Variants in MEIOC observed in about 807,000 individuals in gnomAD.
The protein encoded by MEIOC is meiosis specific with coiled-coil domain.
MEIOC carries 9 observed loss-of-function variants against 85.3 expected under a neutral mutation model. The observed-to-expected ratio is 0.11, with a 90% CI of 0.06 to 0.18. The LOEUF is 0.18. Ranked by LOEUF, MEIOC falls within the 10% of genes least tolerant of loss-of-function variation. The probability of loss-of-function intolerance (pLI) is 1.00; values close to 1 mark genes in which losing one functional copy is unlikely to be tolerated. For synonymous variants in MEIOC, 365 were observed against 393.7 expected (o/e 0.93, Z 0.86); for missense variants, 898 against 1,129.4 (o/e 0.80, Z 2.94).
Position 44,675,106 on chromosome 17 carries a change from T to A in MEIOC, c.*910T>A. ...TTTAAAGGTTAATCTCTAACTAGTT[T>A]AGCTTGCAATTGGTTAGTGTATATT... is the stretch of plus-strand genomic sequence containing the variant. On this transcript the variant is annotated 3_prime_UTR_variant, in exon 8 of 8. Coordinates refer to ENST00000409122, the MANE Select transcript of MEIOC (RefSeq NM_001145080.3). The A allele has an allele frequency of 1.0e-6, 1 of 984,902 alleles. No homozygotes were observed. The highest frequency in any genetic ancestry group is 1.2e-6 in the Non-Finnish European group (1 of 829,478). The allele number at this position is 984,902 out of a possible 1,614,324, so 61.0% of individuals were successfully genotyped here.
At position 44,674,316 on chromosome 17, in the gene MEIOC, G is replaced by C; in HGVS notation, c.*120G>C. 7.0e-7 allele frequency: 1 copy of C among 1,427,524 alleles called. No individual in the cohort carries two copies. Among genetic ancestry groups the C allele is most frequent in the Non-Finnish European group, 9.1e-7 (1 of 1,093,044 alleles). 88.4% of individuals were successfully genotyped at this position (1,427,524 alleles called of 1,614,324 possible). A position where few individuals can be genotyped will look rare whatever the true frequency, so the allele number is the denominator to read the frequency against. On this transcript the variant is annotated 3_prime_UTR_variant, in exon 8 of 8. Coordinates refer to ENST00000409122, the MANE Select transcript of MEIOC (RefSeq NM_001145080.3). ...TCTTTCAGATTTAAAGTTAATACCA[G>C]TACCTTAATGAAGTCTAACTTCTAT...
chr17:44,676,561 GC>G (rs1169742434), downstream of MEIOC, among the ~76,000 whole-genome samples: 1 of 152,060 alleles, frequency 6.6e-6, no homozygotes, highest in African/African-American at 2.4e-5. Flanking sequence ...GGTGGATCAC[GC>G]CTGTAATCCC....
downstream of MEIOC, chr17:44,676,886 A>G: frequency 3.4e-6 from 3 of 891,124 alleles, no homozygotes; most frequent in Non-Finnish European, 4.0e-6. Context: ...ATTTATTAGC[A>G]CCTGAGTCAA....
At position 44,674,120 on chromosome 17, in the gene MEIOC, A is replaced by G; in HGVS notation, c.2783A>G (p.Asn928Ser). 1 of 1,551,772 alleles carries G rather than the reference A, an allele frequency of 6.4e-7. No individual in the cohort carries two copies. Among genetic ancestry groups the G allele is most frequent in the South Asian group, 1.2e-5 (1 of 84,064 alleles). Residue 928 changes from asparagine (N) to serine (S), a missense_variant, in exon 8 of 8, where the codon AAC (asparagine) becomes AGC (serine). By Grantham distance (46) the Asn-to-Ser change is conservative. This residue lies in a region of MEIOC where 164 missense variants were observed against 269.2 expected (regional missense o/e 0.61). Transcript: ENST00000409122. ...GTAAAGCCTTTACAAGATACAGTAA[A>G]CTGTGAAGATAAAGTCCATGAAAGC... ...DVVKPLQDTV[N>S]CEDKVHESIN...
chr17:44,664,802 C>T (rs1161186919), intron 3 of MEIOC, among the ~76,000 whole-genome samples: 1 of 152,212 alleles, frequency 6.6e-6, no homozygotes, highest in African/African-American at 2.4e-5. Flanking sequence ...GGAACTCCAT[C>T]CAGTCATGCT....
chr17:44,669,730 T>C, intron 6 of MEIOC: 2 of 462,734 alleles, frequency 4.3e-6, no homozygotes, highest in Middle Eastern at 1.2e-3. Flanking sequence ...GGTGGTGGCA[T>C]GCGCCTGTAG....
At position 44,666,725 on chromosome 17, in the gene MEIOC, C is replaced by T. The variant is rs909586149; in HGVS notation, c.814C>T (p.Pro272Ser). ...TCCACTTATCAAAAACTGTTTTACA[C>T]CCCAAACTGGTCTGTCTGATATCAT... ...EYPLIKNCFT[P>S]QTGLSDIMKE... The change falls in exon 5 of 8, where the codon CCC becomes TCC. Residue 272 changes from proline to serine, a missense_variant. By Grantham distance (74) the Pro-to-Ser change is moderately conservative. Coordinates refer to ENST00000409122, the MANE Select transcript of MEIOC (RefSeq NM_001145080.3). 2 of 1,613,318 alleles carry T rather than the reference C, an allele frequency of 1.2e-6. No homozygotes were observed. Among genetic ancestry groups the T allele is most frequent in the Non-Finnish European group, 1.7e-6 (2 of 1,179,648 alleles).
At chr17:44,665,253 A>C in intron 3 of MEIOC, 131 bp from the exon 4 acceptor site, 1 of 873,326 alleles carries the variant, frequency 1.1e-6, no homozygotes, top group African/African-American at 1.7e-5. Flanking sequence ...CTTGAGTTCT[A>C]GTCTCTTCTT....
At position 44,668,196 on chromosome 17, in the gene MEIOC, G is replaced by A. The variant is rs758032857; in HGVS notation, c.2285G>A (p.Cys762Tyr). 2 of 1,609,010 alleles carry A rather than the reference G, an allele frequency of 1.2e-6. No individual in the cohort carries two copies. Among genetic ancestry groups the A allele is most frequent in the Non-Finnish European group, 1.7e-6 (2 of 1,178,448 alleles). ...CTTCATATTCGTCTAGAAGAGTGCT[G>A]TGAACAATGGAGAGCATTAGAAAAA... ...SELHIRLEEC[C>Y]EQWRALEKER... The change falls in exon 5 of 8, where the codon TGT (cysteine) becomes TAT (tyrosine). Residue 762 changes from cysteine (C) to tyrosine (Y), a missense_variant. This residue lies in a region of MEIOC where 164 missense variants were observed against 269.2 expected (regional missense o/e 0.61). Coordinates refer to ENST00000409122, the MANE Select transcript of MEIOC (RefSeq NM_001145080.3).
chr17:44,666,585 A>G lies in MEIOC; in HGVS notation c.674A>G (p.His225Arg). 3.1e-6 allele frequency: 5 copies of G among 1,610,792 alleles called. No individual in the cohort carries two copies. Among genetic ancestry groups the G allele is most frequent in the Non-Finnish European group, 4.2e-6 (5 of 1,178,228 alleles). ...CAACAAAAAATAGATGAACTTCATC[A>G]TGGATTTACTGGTTTAGATCTTGAA... is the stretch of plus-strand genomic sequence containing the variant. ...TPQQKIDELHHGFTGLDLEEQ... is the reference protein window; with the variant it reads ...TPQQKIDELHRGFTGLDLEEQ... Residue 225 changes from histidine to arginine, a missense_variant, in exon 5 of 8, where the codon CAT becomes CGT. His to Arg is a conservative substitution (Grantham distance 29). This residue lies in a region of MEIOC where 734 missense variants were observed against 860.1 expected (regional missense o/e 0.85). Coordinates refer to ENST00000409122, the MANE Select transcript of MEIOC (RefSeq NM_001145080.3).
chr17:44,667,827 A>G lies in MEIOC; in HGVS notation c.1916A>G (p.Glu639Gly). 6.2e-7 allele frequency: 1 copy of G among 1,613,968 alleles called. No homozygotes were observed. The highest frequency in any genetic ancestry group is 8.5e-7 in the Non-Finnish European group (1 of 1,179,876). ...LSQNTYQDLL[E>G]SQGHSNSHRT... ...CAAAATACATACCAAGATCTACTGG[A>G]GTCACAGGGTCATTCTAATAGCCAC... Residue 639 changes from glutamate to glycine, a missense_variant, in exon 5 of 8, where the codon GAG becomes GGG. Glu to Gly is a moderately conservative substitution (Grantham distance 98). Around this residue, in one of 2 missense-constraint regions of MEIOC, gnomAD observed 734 missense variants for 860.1 expected, o/e 0.85. Transcript: ENST00000409122.
At chr17:44,662,578 GC>G (rs1971856099) in intron 3 of MEIOC, 107 bp downstream of exon 3, 1 of 815,108 alleles carries the variant, frequency 1.2e-6, no homozygotes. Flanking sequence ...TACTATTGTG[GC>G]ATTTTGTGTT....
chr17:44,657,539 TTTTG>T (rs1971781443), intron 2 of MEIOC, among the ~76,000 whole-genome samples: 1 of 151,612 alleles, frequency 6.6e-6, no homozygotes, highest in African/African-American at 2.4e-5. Flanking sequence ...CGGCTGTTTT[TTTTG>T]TTTGTTTTGT....
At position 44,668,031 on chromosome 17, in the gene MEIOC, A is replaced by G. The variant is rs746439013; in HGVS notation, c.2120A>G (p.Tyr707Cys). 8.7e-6 allele frequency: 14 copies of G among 1,613,596 alleles called. No individual in the cohort carries two copies. Among genetic ancestry groups the G allele is most frequent in the South Asian group, 2.2e-5 (2 of 91,016 alleles). ...GHSVVPLLDS[Y>C]DLLSYDDLSH... The stretch of plus-strand genomic sequence containing the variant: ...TCAGTTGTTCCACTGTTGGATTCCT[A>G]TGACTTACTTTCTTATGATGACTTA... Residue 707 changes from tyrosine (Y) to cysteine (C), a missense_variant, in exon 5 of 8, where the codon TAT becomes TGT. Tyr to Cys is a radical substitution (Grantham distance 194, BLOSUM62 -2). Coordinates refer to ENST00000409122, the MANE Select transcript of MEIOC (RefSeq NM_001145080.3).
At chr17:44,663,327 G>A (rs899622881) in intron 3 of MEIOC, among the ~76,000 whole-genome samples, 2 of 151,726 alleles carry the variant, frequency 1.3e-5, no homozygotes, top group African/African-American at 4.8e-5. Flanking sequence ...GGATATTATG[G>A]GAGCCTATTG....
rs1342818967 is a variant in MEIOC, at chr17:44,675,508, G to C, written c.*1312G>C. 24 of 969,326 alleles carry C rather than the reference G, an allele frequency of 2.5e-5. No homozygotes were observed. The highest frequency in any genetic ancestry group is 2.9e-5 in the Non-Finnish European group (24 of 816,230). The allele number at this position is 969,326 out of a possible 1,614,324, so 60.0% of individuals were successfully genotyped here. ...GTTTTTCTTAGTTTTAGAAATTCTG[G>C]TATTAAAAAAAAAAAGAGTGTAATC... On this transcript the variant is annotated 3_prime_UTR_variant, in exon 8 of 8. Coordinates refer to ENST00000409122, the MANE Select transcript of MEIOC (RefSeq NM_001145080.3).
Position 44,675,537 on chromosome 17 carries a change from C to T in MEIOC, c.*1341C>T. ...TAAAAAAAAAAAGAGTGTAATCATA[C>T]CACATAAATTTTCTTTAGATGATGT... is the stretch of plus-strand genomic sequence containing the variant. On this transcript the variant is annotated 3_prime_UTR_variant, in exon 8 of 8. Coordinates refer to ENST00000409122, the MANE Select transcript of MEIOC (RefSeq NM_001145080.3). 1.0e-6 allele frequency: 1 copy of T among 979,774 alleles called. No individual in the cohort carries two copies. The highest frequency in any genetic ancestry group is 1.2e-6 in the Non-Finnish European group (1 of 825,156). 60.7% of individuals were successfully genotyped at this position (979,774 alleles called of 1,614,324 possible).
chr17:44,668,666 C>A (rs1356459449), intron 5 of MEIOC, among the ~76,000 whole-genome samples: 1 of 152,058 alleles, frequency 6.6e-6, no homozygotes, highest in Non-Finnish European at 1.5e-5. Flanking sequence ...TCTATAATGT[C>A]CAGGATTTGC....
At chr17:44,663,358 G>A (rs1010702086) in intron 3 of MEIOC, among the ~76,000 whole-genome samples, 2 of 152,060 alleles carry the variant, frequency 1.3e-5, no homozygotes, top group South Asian at 4.2e-4. Context: ...CCCTAAGGGA[G>A]TGACATCTAT....
Sources: allele counts gnomAD v4.1 joint callset (sites outside exome capture counted in the v4.1 genomes callset), GRCh38; gene constraint gnomAD v4.1.1; regional missense constraint gnomAD v4.1.1; transcripts MANE v1.5; gene names NCBI Gene and HGNC (gene_info 2026-07-23, HGNC 2026-07-21).